Variants in ASAP2 observed in about 807,000 individuals in gnomAD.
ASAP2 encodes ArfGAP with SH3 domain, ankyrin repeat and PH domain 2, also known as arf-GAP with SH3 domain, ANK repeat and PH domain-containing protein 2.
ASAP2 carries 45 observed loss-of-function variants against 131.4 expected under a neutral mutation model. That is an observed-to-expected ratio of 0.34 (90% CI 0.27 to 0.44). The LOEUF is 0.44. ASAP2 is among the 20% of genes least tolerant of loss of function. The pLI is 1.00. For missense variants in ASAP2, 1,011 were observed against 1,297.0 expected (o/e 0.78, Z 3.39); for synonymous variants, 510 against 503.0 (o/e 1.01, Z -0.19).
At chr2:9,393,758 C>T (rs373874090) in intron 24 of ASAP2, 111 bp downstream of exon 24, 27 of 1,151,198 alleles carry the variant, frequency 2.3e-5, no homozygotes, top group South Asian at 1.1e-4. Context: ...CCAGCGTGGG[C>T]GCCACATAAC....
intron 1 of ASAP2, among the ~76,000 whole-genome samples, chr2:9,237,472 C>G (rs1663634258): frequency 6.7e-6 from 1 of 149,234 alleles, no homozygotes; most frequent in Non-Finnish European, 1.5e-5. Flanking sequence ...GATGCAGTGG[C>G]ATGATCTCAG....
chr2:9,354,624 C>CTG (rs1672568937), intron 12 of ASAP2, among the ~76,000 whole-genome samples: 1 of 140,752 alleles, frequency 7.1e-6, no homozygotes, highest in Non-Finnish European at 1.5e-5. Flanking sequence ...CCAACCTGGG[C>CTG]AGCAGAGTGA....
chr2:9,335,071 T>C, intron 8 of ASAP2, 22 bp from the exon 9 acceptor site: 3 of 1,601,706 alleles, frequency 1.9e-6, no homozygotes, highest in Non-Finnish European at 1.7e-6. Context: ...ATTGGTTCTG[T>C]TGTGTGTGTG....
At chr2:9,400,929 T>A in intron 26 of ASAP2, 99 bp downstream of exon 26, 6 of 1,249,930 alleles carry the variant, frequency 4.8e-6, no homozygotes, top group Non-Finnish European at 6.8e-6. Flanking sequence ...CCTCTTCCCC[T>A]GGCTGGGGCA....
intron 16 of ASAP2, among the ~76,000 whole-genome samples, chr2:9,371,673 G>A (rs1673975401): frequency 6.6e-6 from 1 of 152,130 alleles, no homozygotes; most frequent in Non-Finnish European, 1.5e-5. Flanking sequence ...AGCTAGGCTT[G>A]TATTTGCTCA....
chr2:9,385,190 A>G, intron 20 of ASAP2, 55 bp from the exon 21 acceptor site: 1 of 1,373,806 alleles, frequency 7.3e-7, no homozygotes, highest in South Asian at 1.2e-5. Flanking sequence ...CAGTGGGTCC[A>G]GATGCATGGC....
intron 7 of ASAP2, among the ~76,000 whole-genome samples, chr2:9,331,635 G>A (rs1464939074): frequency 2.0e-5 from 3 of 152,158 alleles, no homozygotes; most frequent in Admixed American, 2.0e-4. Context: ...GGATGCGGTA[G>A]TGCACACCTG....
chr2:9,395,614 T>C (rs1676080355), intron 24 of ASAP2, among the ~76,000 whole-genome samples: 1 of 114,464 alleles, frequency 8.7e-6, no homozygotes, highest in Admixed American at 8.4e-5. Context: ...TTTTTTTTTT[T>C]TTTTTTTTTT....
chr2:9,322,160 G>A (rs568726439), intron 5 of ASAP2, among the ~76,000 whole-genome samples: 3 of 152,238 alleles, frequency 2.0e-5, no homozygotes, highest in Admixed American at 1.3e-4. Flanking sequence ...CTCCCAAAGG[G>A]TCTCCTGTGT....
chr2:9,360,210 A>G (rs904071514), intron 15 of ASAP2, among the ~76,000 whole-genome samples: 2 of 152,208 alleles, frequency 1.3e-5, no homozygotes, highest in Admixed American at 6.5e-5. Context: ...AGATGATGTA[A>G]TAATTGTTTA....
intron 15 of ASAP2, among the ~76,000 whole-genome samples, chr2:9,361,062 G>A (rs58354494): frequency 0.043 from 6,514 of 152,226 alleles, 476 homozygotes; most frequent in African/African-American, 0.14. Context: ...TCTAATGCCT[G>A]GTTAAATTCT....
chr2:9,240,709 A>T (rs1037999566), intron 1 of ASAP2, among the ~76,000 whole-genome samples: 1 of 152,200 alleles, frequency 6.6e-6, no homozygotes, highest in Non-Finnish European at 1.5e-5. Context: ...AGATCTTAGC[A>T]ACCTCAGCAT....
intron 24 of ASAP2, among the ~76,000 whole-genome samples, chr2:9,396,186 G>A (rs1676133402): frequency 6.6e-6 from 1 of 152,066 alleles, no homozygotes. Flanking sequence ...CCCTTCCAGA[G>A]GGTCCTGAGC....
At chr2:9,357,229 G>A (rs933488229) in intron 14 of ASAP2, among the ~76,000 whole-genome samples, 3 of 151,286 alleles carry the variant, frequency 2.0e-5, no homozygotes, top group Non-Finnish European at 2.9e-5. Context: ...CTGTAATCCC[G>A]GCACTTTGGA....
chr2:9,343,946 GA>G (rs890305840), intron 9 of ASAP2, among the ~76,000 whole-genome samples: 2 of 152,228 alleles, frequency 1.3e-5, no homozygotes, highest in African/African-American at 4.8e-5. Flanking sequence ...GTCAGGGTCA[GA>G]CCCCCCTTAC....
intron 3 of ASAP2, among the ~76,000 whole-genome samples, chr2:9,317,244 T>A (rs1669777568): frequency 7.2e-6 from 1 of 139,632 alleles, no homozygotes; most frequent in Admixed American, 7.1e-5. Flanking sequence ...ACCACACTCA[T>A]ACACACCCCG....
chr2:9,288,690 A>G (rs1667616226), intron 2 of ASAP2, among the ~76,000 whole-genome samples: 1 of 152,148 alleles, frequency 6.6e-6, no homozygotes, highest in African/African-American at 2.4e-5. Flanking sequence ...TACTCCCCAT[A>G]CAACAAATGT....
At chr2:9,222,345 A>G (rs1402004293) in intron 1 of ASAP2, among the ~76,000 whole-genome samples, 1 of 152,172 alleles carries the variant, frequency 6.6e-6, no homozygotes, top group Non-Finnish European at 1.5e-5. Context: ...GCATTTGTAA[A>G]TGGGTTTTAG....
intron 1 of ASAP2, among the ~76,000 whole-genome samples, chr2:9,222,117 A>G (rs1270579521): frequency 1.3e-5 from 2 of 152,192 alleles, no homozygotes; most frequent in East Asian, 1.9e-4. Context: ...TTGCTGGATC[A>G]GTTCTTAATC....
Sources: allele counts gnomAD v4.1 joint callset (sites outside exome capture counted in the v4.1 genomes callset), GRCh38; gene constraint gnomAD v4.1.1; transcripts MANE v1.5; gene names NCBI Gene and HGNC (gene_info 2026-07-23, HGNC 2026-07-21).